The following CNTNAP2 variants were observed in gnomAD, a reference collection of about 807,000 sequenced individuals.
CNTNAP2 encodes the protein contactin-associated protein-like 2.
A neutral mutation model predicts 155.2 loss-of-function variants in CNTNAP2; 98 were observed. The observed-to-expected ratio is 0.63, with a 90% confidence interval of 0.54 to 0.75. The LOEUF (loss-of-function observed/expected upper bound fraction) is 0.75. Ranked by LOEUF, CNTNAP2 falls within the 30% of genes least tolerant of loss-of-function variation. The pLI is 0.00. For missense variants in CNTNAP2, 1,727 were observed against 1,688.1 expected, an observed-to-expected ratio of 1.02 and a Z score of -0.40; for synonymous variants, 651 against 631.2, an observed-to-expected ratio of 1.03 and a Z score of -0.47.
chr7:147,390,161 T>C lies in CNTNAP2; in HGVS notation c.1499-5448T>C, dbSNP rs370290836. On this transcript the variant is annotated intron_variant, in intron 9 of 23. Coordinates refer to ENST00000361727, the MANE Select transcript of CNTNAP2 (RefSeq NM_014141.6). ...AGTTAAAACAGCAGGAGGTTCAGTA[T>C]CAGAGATCCAACATCTTTAGCTCAT... Among the ~76,000 whole-genome samples, 189 of 152,292 alleles carry C rather than the reference T, an allele frequency of 1.2e-3. 1 individual carries two copies. Among genetic ancestry groups the C allele is most frequent in the Middle Eastern group, 6.8e-3 (2 of 294 alleles).
intron 13 of CNTNAP2, among the ~76,000 whole-genome samples, chr7:147,844,697 T>A (rs1329043775): frequency 2.7e-5 from 2 of 72,840 alleles, no homozygotes; most frequent in East Asian, 8.5e-4. Flanking sequence ...ATGCTTCCAG[T>A]TTTTACCCAT....
chr7:146,571,229 G>A (rs1014171244), intron 1 of CNTNAP2, among the ~76,000 whole-genome samples: 1 of 152,074 alleles, frequency 6.6e-6, no homozygotes, highest in African/African-American at 2.4e-5. Flanking sequence ...CTGTATATGA[G>A]CTGTGGAAAG....
At chr7:148,248,252 G>T (rs976879289) in intron 20 of CNTNAP2, among the ~76,000 whole-genome samples, 3 of 151,344 alleles carry the variant, frequency 2.0e-5, no homozygotes, top group Non-Finnish European at 4.4e-5. Flanking sequence ...AGGCTGGAGT[G>T]CAATGGCACA....
intron 21 of CNTNAP2, among the ~76,000 whole-genome samples, chr7:148,366,262 A>ATATGTGTACATGTATATATG (rs1347836447): frequency 0.022 from 2,839 of 128,074 alleles, 157 homozygotes; most frequent in Non-Finnish European, 0.035. Flanking sequence ...ATATGTGTGT[A>ATATGTGTACATGTATATATG]TATGTGTACA....
At chr7:148,299,809 A>G (rs930272859) in intron 21 of CNTNAP2, among the ~76,000 whole-genome samples, 1 of 152,228 alleles carries the variant, frequency 6.6e-6, no homozygotes, top group African/African-American at 2.4e-5. Flanking sequence ...AGCTCCTGAT[A>G]ATACAGAAAT....
chr7:147,312,876 C>T (rs13308092), intron 9 of CNTNAP2, among the ~76,000 whole-genome samples: 10,887 of 111,760 alleles, frequency 0.097, 893 homozygotes, highest in East Asian at 0.48. Flanking sequence ...ACAGTCCCAC[C>T]AACAGTGTAA....
intron 20 of CNTNAP2, among the ~76,000 whole-genome samples, chr7:148,252,592 G>A (rs1796382296): frequency 6.6e-6 from 1 of 152,172 alleles, no homozygotes; most frequent in South Asian, 2.1e-4. Context: ...CAGGGTCGGG[G>A]AGAGGGGTAC....
At chr7:147,953,901 C>T (rs1159858790) in intron 14 of CNTNAP2, among the ~76,000 whole-genome samples, 2 of 152,100 alleles carry the variant, frequency 1.3e-5, no homozygotes, top group African/African-American at 4.8e-5. Flanking sequence ...GATTAGGGCC[C>T]ATCTTAATCA....
intron 1 of CNTNAP2, among the ~76,000 whole-genome samples, chr7:146,452,830 C>T (rs1416441609): frequency 6.6e-6 from 1 of 152,146 alleles, no homozygotes; most frequent in East Asian, 1.9e-4. Context: ...TTTGCTCTCC[C>T]CTCTGAAGAA....
At chr7:146,155,904 A>T (rs1000363021) in intron 1 of CNTNAP2, among the ~76,000 whole-genome samples, 37 of 151,726 alleles carry the variant, frequency 2.4e-4, no homozygotes, top group African/African-American at 7.3e-4. Context: ...GGGTTTCACC[A>T]TGTTGGTCAG....
At chr7:147,633,033 T>G (rs1187502599) in intron 12 of CNTNAP2, among the ~76,000 whole-genome samples, 2 of 152,160 alleles carry the variant, frequency 1.3e-5, no homozygotes, top group Non-Finnish European at 2.9e-5. Context: ...GGTGAGAAAT[T>G]CAAACAGGCT....
intron 17 of CNTNAP2, among the ~76,000 whole-genome samples, chr7:148,156,314 T>C (rs1413488775): frequency 6.6e-6 from 1 of 152,200 alleles, no homozygotes; most frequent in Non-Finnish European, 1.5e-5. Context: ...GATCTCTAAG[T>C]CTCAGACACA....
At chr7:147,302,288 G>C (rs1243081243) in intron 9 of CNTNAP2, among the ~76,000 whole-genome samples, 2 of 152,180 alleles carry the variant, frequency 1.3e-5, no homozygotes. Flanking sequence ...TGAGCTCCCT[G>C]AATGCCTAAG....
chr7:147,801,327 A>AT (rs1313563381), intron 13 of CNTNAP2, among the ~76,000 whole-genome samples: 345 of 123,652 alleles, frequency 2.8e-3, no homozygotes, highest in African/African-American at 9.5e-3. Context: ...TTTTTTTTTA[A>AT]TTTTTTTTTT....
chr7:146,822,188 G>T (rs1276104544), intron 2 of CNTNAP2, among the ~76,000 whole-genome samples: 1 of 151,956 alleles, frequency 6.6e-6, no homozygotes, highest in Non-Finnish European at 1.5e-5. Flanking sequence ...GGATGAAACT[G>T]GAAACCATCA....
intron 1 of CNTNAP2, among the ~76,000 whole-genome samples, chr7:146,706,427 C>T (rs961606298): frequency 1.3e-5 from 2 of 152,146 alleles, no homozygotes; most frequent in Admixed American, 6.6e-5. Context: ...GAGATCTTCT[C>T]AGCCTGGATA....
intron 15 of CNTNAP2, among the ~76,000 whole-genome samples, chr7:148,102,046 G>A (rs555983759): frequency 6.6e-6 from 1 of 152,070 alleles, no homozygotes; most frequent in Non-Finnish European, 1.5e-5. Flanking sequence ...TCGTGTGACG[G>A]GGGGTTGTTG....
At chr7:147,774,093 C>G (rs573807454) in intron 13 of CNTNAP2, among the ~76,000 whole-genome samples, 3 of 152,208 alleles carry the variant, frequency 2.0e-5, no homozygotes, top group Admixed American at 1.3e-4. Context: ...AAAATTTCGA[C>G]TCCTCCTGCC....
intron 9 of CNTNAP2, among the ~76,000 whole-genome samples, chr7:147,325,437 A>C (rs896552286): frequency 2.6e-5 from 4 of 152,196 alleles, no homozygotes; most frequent in Admixed American, 1.3e-4. Context: ...TGTTGGGTTT[A>C]ATTATGCGGT....
Sources: allele counts gnomAD v4.1 joint callset (sites outside exome capture counted in the v4.1 genomes callset), GRCh38; gene constraint gnomAD v4.1.1; transcripts MANE v1.5; gene names NCBI Gene and HGNC (gene_info 2026-07-23, HGNC 2026-07-21).